The following TENM4 variants were observed in gnomAD, a reference collection of about 807,000 sequenced individuals.
The protein encoded by TENM4 is teneurin-4.
Under a neutral mutation model 243.3 loss-of-function variants are expected in TENM4, and 82 were observed. The observed-to-expected ratio is 0.34, with a 90% CI of 0.28 to 0.40. TENM4 has a LOEUF of 0.40. Among genes scored for constraint, TENM4 ranks in the 10% least tolerant of loss-of-function variants. The probability of loss-of-function intolerance (pLI) is 1.00; values close to 1 mark genes in which losing one functional copy is unlikely to be tolerated. For missense variants in TENM4, 3,138 were observed against 3,673.3 expected (o/e 0.85, Z 3.77); for synonymous variants, 1,412 against 1,456.3 (o/e 0.97, Z 0.69).
At chr11:78,876,080 A>G (rs1436430132) in intron 9 of TENM4, among the ~76,000 whole-genome samples, 1 of 152,208 alleles carries the variant, frequency 6.6e-6, no homozygotes, top group African/African-American at 2.4e-5. Flanking sequence ...GTCCAGCGCT[A>G]CTACTTACCA....
At chr11:79,110,615 G>A (rs1942883) in intron 4 of TENM4, among the ~76,000 whole-genome samples, 11,343 of 152,240 alleles carry the variant, frequency 0.075, 1,254 homozygotes, top group East Asian at 0.51. Flanking sequence ...TCCTGGATCT[G>A]TAAGTTGAAG....
rs1182799782 is a variant in TENM4 at position 79,440,342 on chromosome 11, C to T, written c.-321+167G>A. Among the ~76,000 whole-genome samples, 1 of 152,182 alleles carries T rather than the reference C, an allele frequency of 6.6e-6. No individual in the cohort carries two copies. The highest frequency in any genetic ancestry group is 1.5e-5 in the Non-Finnish European group (1 of 68,026). ...TCTTCGGCCACCCGCGCCCTAGCCT[C>T]CCTCCTCCTGGGCCAGGGGAGCAAG... On this transcript the variant is annotated intron_variant, in intron 1 of 33. Coordinates refer to ENST00000278550, the MANE Select transcript of TENM4 (RefSeq NM_001098816.3). This position sits in a 1 kb window ranked among gnomAD's most constrained non-coding sequence, Gnocchi z 4.7.
chr11:79,090,169 C>T (rs1860911184), intron 4 of TENM4, among the ~76,000 whole-genome samples: 1 of 152,220 alleles, frequency 6.6e-6, no homozygotes, highest in Non-Finnish European at 1.5e-5. Context: ...TGTTCTGATG[C>T]CCAATGTCCC....
chr11:78,972,481 T>A (rs1024199829), intron 6 of TENM4, among the ~76,000 whole-genome samples: 8 of 152,130 alleles, frequency 5.3e-5, no homozygotes, highest in African/African-American at 1.7e-4. Context: ...AAAATTTTTT[T>A]AAAAAGTGTT....
intron 9 of TENM4, among the ~76,000 whole-genome samples, chr11:78,874,794 T>C (rs951884325): frequency 1.3e-5 from 2 of 152,110 alleles, no homozygotes; most frequent in Non-Finnish European, 2.9e-5. Flanking sequence ...AGTGGTAAAA[T>C]TTGAGACAAT....
At chr11:79,037,902 T>C (rs1051487257) in intron 6 of TENM4, among the ~76,000 whole-genome samples, 4 of 152,196 alleles carry the variant, frequency 2.6e-5, no homozygotes, top group Non-Finnish European at 4.4e-5. Context: ...AATCAAGTAC[T>C]AGAAAATGAT....
intron 1 of TENM4, among the ~76,000 whole-genome samples, chr11:79,426,928 A>G (rs985660426): frequency 2.0e-5 from 3 of 152,158 alleles, no homozygotes; most frequent in Non-Finnish European, 4.4e-5. Context: ...AACTGCAGAT[A>G]CCTTCACAGA....
intron 3 of TENM4, 29 bp from the exon 4 acceptor site, chr11:79,148,835 T>C: frequency 3.5e-6 from 3 of 847,708 alleles, no homozygotes; most frequent in Non-Finnish European, 4.3e-6. Flanking sequence ...GACAAATCAG[T>C]CATTTTTGAT....
chr11:78,886,666 C>T (rs1010256738), intron 9 of TENM4, among the ~76,000 whole-genome samples: 1 of 152,220 alleles, frequency 6.6e-6, no homozygotes, highest in East Asian at 1.9e-4. Flanking sequence ...CCAGGGCTGT[C>T]ATGGTAGGTG....
intron 2 of TENM4, among the ~76,000 whole-genome samples, chr11:79,233,129 G>T (rs1468401981): frequency 2.0e-5 from 3 of 152,192 alleles, no homozygotes; most frequent in Non-Finnish European, 4.4e-5. Flanking sequence ...GAGGCTGCCA[G>T]ACTGAGTCAG....
At chr11:79,259,204 G>A (rs1351934372) in intron 2 of TENM4, among the ~76,000 whole-genome samples, 1 of 152,158 alleles carries the variant, frequency 6.6e-6, no homozygotes, top group Non-Finnish European at 1.5e-5. Context: ...ACTTTGCACA[G>A]CTTGGTCAAG....
In TENM4 at chr11:79,232,189, T is replaced by C. The variant is rs559615296; in HGVS notation, c.-264-16280A>G. Among the ~76,000 whole-genome samples the C allele has an allele frequency of 8.5e-5, 13 of 152,300 alleles. No individual in the cohort carries two copies. In the East Asian group the frequency reaches 2.5e-3, roughly 29 times the overall value. On this transcript the variant is annotated intron_variant, in intron 2 of 33. Coordinates refer to ENST00000278550, the MANE Select transcript of TENM4 (RefSeq NM_001098816.3). ...TGGTCCAAGGTCATAGAGCCAAGGGTTCCAACCCAGTTCTTCAGGGTTCTG... is the reference window on the plus strand; with the variant it reads ...TGGTCCAAGGTCATAGAGCCAAGGGCTCCAACCCAGTTCTTCAGGGTTCTG...
At chr11:78,712,346 A>T in intron 26 of TENM4, 136 bp downstream of exon 26, 2 of 711,972 alleles carry the variant, frequency 2.8e-6, no homozygotes, top group Non-Finnish European at 4.7e-6. Flanking sequence ...AGGTGGAATT[A>T]TCACAGTTTT....
intron 4 of TENM4, among the ~76,000 whole-genome samples, chr11:79,072,636 A>T (rs957491644): frequency 1.3e-5 from 2 of 152,360 alleles, no homozygotes; most frequent in Non-Finnish European, 1.5e-5. Context: ...GTTCTATCTC[A>T]TTCTCTTTCA....
rs558854049 is a variant in TENM4 at position 79,111,489 on chromosome 11, G to A, written c.-66+37221C>T. The stretch of plus-strand genomic sequence containing the variant: ...GAACCCGGGAGGTGGAGCTTGCAGT[G>A]AGCCGAGATGGCGCTGCTGCACTCC... On this transcript the variant is annotated intron_variant, in intron 4 of 33. Coordinates refer to ENST00000278550, the MANE Select transcript of TENM4 (RefSeq NM_001098816.3). 1.8e-4 allele frequency among the ~76,000 whole-genome samples: 28 copies of A among 152,282 alleles called. No individual in the cohort carries two copies. In the South Asian group the frequency reaches 5.6e-3, roughly 30 times the overall value.
At chr11:79,241,408 G>A (rs909349852) in intron 2 of TENM4, among the ~76,000 whole-genome samples, 1 of 152,022 alleles carries the variant, frequency 6.6e-6, no homozygotes, top group African/African-American at 2.4e-5. Flanking sequence ...GTGTGTTGGG[G>A]CCTGCATGGC....
At chr11:79,421,395 G>T (rs535627249) in intron 1 of TENM4, among the ~76,000 whole-genome samples, 7 of 152,238 alleles carry the variant, frequency 4.6e-5, no homozygotes, top group Non-Finnish European at 8.8e-5. Context: ...ATGTGATATC[G>T]CTTGATATAG....
chr11:79,407,660 A>C (rs531801398), intron 1 of TENM4, among the ~76,000 whole-genome samples: 1 of 152,346 alleles, frequency 6.6e-6, no homozygotes, highest in East Asian at 1.9e-4. Context: ...CATTTGTTGA[A>C]ATTTGTATCA....
chr11:78,994,354 C>G (rs1212359141), intron 6 of TENM4, among the ~76,000 whole-genome samples: 1 of 152,170 alleles, frequency 6.6e-6, no homozygotes, highest in African/African-American at 2.4e-5. Context: ...TCATGAGGAC[C>G]TCAATGCAGA....
Sources: gnomAD v4.1 joint callset for allele counts (sites outside exome capture counted in the v4.1 genomes callset) on GRCh38, gnomAD v4.1.1 for gene constraint, Gnocchi (gnomAD v3.1) non-coding constraint, MANE v1.5 for transcripts, NCBI Gene and HGNC (gene_info 2026-07-23, HGNC 2026-07-21) for gene names.